CSMD1: variants seen among roughly 807,000 people sequenced by gnomAD.
The protein encoded by CSMD1 is CUB and sushi domain-containing protein 1.
A neutral mutation model predicts 417.5 loss-of-function variants in CSMD1; 213 were observed. That is an observed-to-expected ratio of 0.51 (90% CI 0.46 to 0.57). The LOEUF is 0.57. Ranked by LOEUF, CSMD1 falls within the 20% of genes least tolerant of loss-of-function variation. The pLI is 0.00. For synonymous variants in CSMD1, 2,862 were observed against 1,736.8 expected (o/e 1.65, Z -16.11); for missense variants, 6,923 against 4,529.7 (o/e 1.53, Z -15.17).
At chr8:3,948,514 T>C (rs185785501) in intron 5 of CSMD1, among the ~76,000 whole-genome samples, 130 of 152,224 alleles carry the variant, frequency 8.5e-4, no homozygotes, top group African/African-American at 2.9e-3. Flanking sequence ...TGTCTTCTTA[T>C]ATTTTCTTTA....
intron 3 of CSMD1, among the ~76,000 whole-genome samples, chr8:4,128,806 T>G (rs1320972453): frequency 1.3e-5 from 2 of 152,142 alleles, no homozygotes; most frequent in Non-Finnish European, 2.9e-5. Flanking sequence ...TATATCCTAG[T>G]GCAAGTAGGG....
chr8:3,608,402 G>T (rs368893477), intron 8 of CSMD1, among the ~76,000 whole-genome samples: 14 of 152,160 alleles, frequency 9.2e-5, no homozygotes, highest in South Asian at 4.1e-4. Context: ...AATTCAGGGA[G>T]CTCCCTAAGT....
chr8:4,453,001 G>C (rs1467749060), intron 2 of CSMD1, among the ~76,000 whole-genome samples: 1 of 152,094 alleles, frequency 6.6e-6, no homozygotes, highest in South Asian at 2.1e-4. Flanking sequence ...GTTTCCCACA[G>C]TCCTCTGAAG....
chr8:4,347,269 C>G (rs931391359), intron 3 of CSMD1, among the ~76,000 whole-genome samples: 2 of 152,084 alleles, frequency 1.3e-5, no homozygotes, highest in African/African-American at 2.4e-5. Flanking sequence ...TTGGGGTAAT[C>G]TCACCTTGGC....
At chr8:3,451,861 T>C (rs558777969) in intron 12 of CSMD1, among the ~76,000 whole-genome samples, 17 of 152,306 alleles carry the variant, frequency 1.1e-4, no homozygotes, top group African/African-American at 4.1e-4. Context: ...AGAAAGTCAT[T>C]GGTAGCTTGA....
chr8:4,127,853 G>A (rs1358531808), intron 3 of CSMD1, among the ~76,000 whole-genome samples: 1 of 152,076 alleles, frequency 6.6e-6, no homozygotes, highest in Non-Finnish European at 1.5e-5. Flanking sequence ...CTGTTTTGCA[G>A]ATGAAGAAAC....
intron 54 of CSMD1, among the ~76,000 whole-genome samples, chr8:2,984,090 T>C (rs944287109): frequency 6.6e-6 from 1 of 152,184 alleles, no homozygotes; most frequent in Non-Finnish European, 1.5e-5. Context: ...TGTTTTTAAA[T>C]GGCTGTGAGT....
intron 1 of CSMD1, among the ~76,000 whole-genome samples, chr8:4,730,492 G>T (rs1379583030): frequency 6.6e-6 from 1 of 152,180 alleles, no homozygotes; most frequent in Non-Finnish European, 1.5e-5. Context: ...TGTAATCCCA[G>T]CACTTTGGGA....
intron 40 of CSMD1, among the ~76,000 whole-genome samples, chr8:3,145,047 G>GTGTGTGTA (rs968672805): frequency 1.3e-5 from 2 of 151,946 alleles, no homozygotes; most frequent in African/African-American, 4.8e-5. Context: ...AAAGAGTTGT[G>GTGTGTGTA]TGTGTGTGTG....
intron 1 of CSMD1, among the ~76,000 whole-genome samples, chr8:4,843,832 A>G (rs143375983): frequency 2.0e-5 from 3 of 152,374 alleles, no homozygotes; most frequent in Non-Finnish European, 2.9e-5. Context: ...GAAGCACAGG[A>G]GAGCTGAACC....
intron 2 of CSMD1, among the ~76,000 whole-genome samples, chr8:4,579,024 T>A (rs1030339985): frequency 7.9e-5 from 12 of 151,792 alleles, no homozygotes; most frequent in African/African-American, 2.9e-4. Context: ...GTTTATCACA[T>A]AAAGGCACAA....
chr8:3,098,641 T>C (rs7001551), intron 46 of CSMD1, among the ~76,000 whole-genome samples: 122,723 of 152,130 alleles, frequency 0.81, 49,686 homozygotes, highest in East Asian at 0.96. Flanking sequence ...TCTGTGATGG[T>C]GACCTCATCG....
chr8:3,101,169 C>A (rs1316358506), intron 46 of CSMD1, among the ~76,000 whole-genome samples: 1 of 151,750 alleles, frequency 6.6e-6, no homozygotes, highest in African/African-American at 2.4e-5. Context: ...AGGTCCTAGT[C>A]TAGCTTTCCA....
intron 1 of CSMD1, among the ~76,000 whole-genome samples, chr8:4,805,544 C>A (rs150998783): frequency 6.6e-6 from 1 of 152,144 alleles, no homozygotes; most frequent in East Asian, 1.9e-4. Context: ...ATCACTTAAC[C>A]TTCCCCTCTC....
At chr8:4,446,365 T>C (rs978864904) in intron 2 of CSMD1, among the ~76,000 whole-genome samples, 1 of 151,974 alleles carries the variant, frequency 6.6e-6, no homozygotes, top group African/African-American at 2.4e-5. Context: ...CTGGGCAACA[T>C]GGCAGAACCC....
intron 2 of CSMD1, among the ~76,000 whole-genome samples, chr8:4,535,885 C>A (rs749343968): frequency 1.3e-5 from 2 of 152,088 alleles, no homozygotes; most frequent in Admixed American, 6.6e-5. Flanking sequence ...GCTTTTACTT[C>A]TTTACTTTTA....
intron 50 of CSMD1, among the ~76,000 whole-genome samples, chr8:3,035,802 C>G (rs982557681): frequency 7.2e-5 from 11 of 152,198 alleles, no homozygotes; most frequent in African/African-American, 2.7e-4. Flanking sequence ...GCATGACAGA[C>G]ATTGTTCAAC....
intron 5 of CSMD1, among the ~76,000 whole-genome samples, chr8:3,928,049 T>C (rs1563220547): frequency 6.6e-6 from 1 of 152,156 alleles, no homozygotes; most frequent in Admixed American, 6.5e-5. Context: ...TCAATTTTTT[T>C]CTTAAATTTC....
intron 3 of CSMD1, among the ~76,000 whole-genome samples, chr8:4,103,682 A>T (rs1380848137): frequency 6.6e-6 from 1 of 152,166 alleles, no homozygotes; most frequent in Non-Finnish European, 1.5e-5. Flanking sequence ...ACATGATTAT[A>T]AACTGGAGTG....
Sources: gnomAD v4.1 joint callset for allele counts (sites outside exome capture counted in the v4.1 genomes callset) on GRCh38, gnomAD v4.1.1 for gene constraint, MANE v1.5 for transcripts, NCBI Gene and HGNC (gene_info 2026-07-23, HGNC 2026-07-21) for gene names.